The following CMTM4 variants were observed in gnomAD, a reference collection of about 807,000 sequenced individuals.
CMTM4 encodes the protein CKLF-like MARVEL transmembrane domain-containing protein 4.
A neutral mutation model predicts 19.0 loss-of-function variants in CMTM4; 8 were observed. The observed-to-expected ratio is 0.42, with a 90% confidence interval of 0.25 to 0.76. The LOEUF is 0.76. CMTM4 is among the 30% of genes least tolerant of loss of function. The probability of loss-of-function intolerance (pLI) is 0.27; values close to 1 mark genes in which losing one functional copy is unlikely to be tolerated. For synonymous variants in CMTM4, 106 were observed against 121.1 expected (o/e 0.88, Z 0.82); for missense variants, 228 against 290.2 (o/e 0.79, Z 1.56).
chr16:66,645,101 T>C (rs2016167884), intron 1 of CMTM4, among the ~76,000 whole-genome samples: 1 of 151,252 alleles, frequency 6.6e-6, no homozygotes. Context: ...CTGGCCAACA[T>C]GGTGAAACCC....
chr16:66,631,265 G>A (rs2015861616), intron 2 of CMTM4, among the ~76,000 whole-genome samples: 8 of 150,432 alleles, frequency 5.3e-5, no homozygotes, highest in Admixed American at 5.3e-4. Flanking sequence ...GGAGGTGGGG[G>A]GTCAGCCCCC....
chr16:66,645,702 G>A (rs1207725173), intron 1 of CMTM4, among the ~76,000 whole-genome samples: 4 of 152,026 alleles, frequency 2.6e-5, no homozygotes, highest in Non-Finnish European at 4.4e-5. Flanking sequence ...AACCAGGCCG[G>A]CTGTGGTGGC....
chr16:66,684,196 A>G (rs1217773918), intron 1 of CMTM4, among the ~76,000 whole-genome samples: 2 of 152,082 alleles, frequency 1.3e-5, no homozygotes, highest in African/African-American at 4.8e-5. Flanking sequence ...TTTTTGAGAC[A>G]GAATCTCCCT....
intron 1 of CMTM4, among the ~76,000 whole-genome samples, chr16:66,665,614 C>G (rs1034397649): frequency 6.6e-6 from 1 of 152,058 alleles, no homozygotes; most frequent in Non-Finnish European, 1.5e-5. Context: ...TGTGGTGGTA[C>G]ATGCCTGTAG....
At chr16:66,652,661 G>A (rs554678312) in intron 1 of CMTM4, among the ~76,000 whole-genome samples, 1 of 152,280 alleles carries the variant, frequency 6.6e-6, no homozygotes, top group Non-Finnish European at 1.5e-5. Context: ...GCTGGATACT[G>A]TATCACAGGC....
chr16:66,610,087 G>A (rs1391010021), downstream of CMTM4: 2 of 1,550,908 alleles, frequency 1.3e-6, no homozygotes, highest in African/African-American at 1.4e-5. This position sits in a 1 kb window ranked among gnomAD's most constrained non-coding sequence, Gnocchi z 4.6. Flanking sequence ...TGAGGCTGGG[G>A]TGGGATCATT....
At chr16:66,658,364 A>T (rs1278503534) in intron 1 of CMTM4, among the ~76,000 whole-genome samples, 1 of 151,982 alleles carries the variant, frequency 6.6e-6, no homozygotes, top group Non-Finnish European at 1.5e-5. Context: ...AGAGGGCATT[A>T]ATTGCTGAAC....
At chr16:66,694,627 C>T (rs1443507043) in intron 1 of CMTM4, among the ~76,000 whole-genome samples, 2 of 149,716 alleles carry the variant, frequency 1.3e-5, no homozygotes, top group Non-Finnish European at 3.0e-5. Context: ...GCAGGAGAAT[C>T]GCTTGAACCC....
chr16:66,688,527 AAC>A (rs59727449), intron 1 of CMTM4, among the ~76,000 whole-genome samples: 3,092 of 147,894 alleles, frequency 0.021, 100 homozygotes, highest in African/African-American at 0.068. Context: ...CACTCCCCTC[AAC>A]ACACACACAC....
intron 1 of CMTM4, among the ~76,000 whole-genome samples, chr16:66,692,372 G>A (rs1036568642): frequency 1.3e-5 from 2 of 152,190 alleles, no homozygotes; most frequent in African/African-American, 4.8e-5. Context: ...TTACAGGCGT[G>A]AGCCCGGCCT....
intron 2 of CMTM4, among the ~76,000 whole-genome samples, chr16:66,629,331 G>A (rs143737544): frequency 6.6e-6 from 1 of 152,106 alleles, no homozygotes; most frequent in East Asian, 1.9e-4. Flanking sequence ...ATGGCCCCAG[G>A]ATCAAAGGGA....
chr16:66,643,382 CATT>C (rs1250326623), intron 1 of CMTM4, among the ~76,000 whole-genome samples: 1 of 152,200 alleles, frequency 6.6e-6, no homozygotes, highest in East Asian at 1.9e-4. Context: ...GCTCATCTGA[CATT>C]ATGACAATGG....
chr16:66,656,456 C>T (rs1236143206), intron 1 of CMTM4, among the ~76,000 whole-genome samples: 6 of 152,092 alleles, frequency 3.9e-5, no homozygotes, highest in Admixed American at 3.3e-4. Flanking sequence ...CTCTGCCTCT[C>T]AGTCTCAAAA....
At position 66,617,110 on chromosome 16, in the gene CMTM4, G is replaced by A. The variant is rs2015540122; in HGVS notation, c.*4948C>T. 1 of 594,354 alleles carries A rather than the reference G, an allele frequency of 1.7e-6. No individual in the cohort carries two copies. Among genetic ancestry groups the A allele is most frequent in the Non-Finnish European group, 2.8e-6 (1 of 356,924 alleles). The allele number at this position is 594,354 out of a possible 1,614,324, so 36.8% of individuals were successfully genotyped here. The stretch of plus-strand genomic sequence containing the variant: ...TAGCTCCCTGGGGGTCCAAGCCAAA[G>A]GCTCCCTGGCCTTTGTGTATTATGC... On this transcript the variant is annotated 3_prime_UTR_variant, in exon 4 of 4. Transcript: ENST00000394106.
chr16:66,670,886 C>A (rs1354158913), intron 1 of CMTM4, among the ~76,000 whole-genome samples: 1 of 152,048 alleles, frequency 6.6e-6, no homozygotes, highest in Non-Finnish European at 1.5e-5. Flanking sequence ...GTGTAATAAC[C>A]CATTTTTACA....
intron 1 of CMTM4, among the ~76,000 whole-genome samples, chr16:66,691,700 AAAAAGAAAAAG>A (rs1402195196): frequency 6.6e-6 from 1 of 152,198 alleles, no homozygotes; most frequent in Non-Finnish European, 1.5e-5. Flanking sequence ...ACCTTGTCTC[AAAAAGAAAAAG>A]AAAAGATAAA....
intron 1 of CMTM4, among the ~76,000 whole-genome samples, chr16:66,642,941 T>C (rs1256759724): frequency 6.6e-6 from 1 of 152,184 alleles, no homozygotes. Flanking sequence ...TTTGTTTCGT[T>C]TGTTGCCAGA....
At chr16:66,664,084 T>C (rs2144865662) in intron 1 of CMTM4, among the ~76,000 whole-genome samples, 1 of 151,940 alleles carries the variant, frequency 6.6e-6, no homozygotes, top group South Asian at 2.1e-4. Context: ...AATACAAAAA[T>C]TAGCTGGGCA....
chr16:66,601,569 C>T, the CMTM4 span, among the ~76,000 whole-genome samples: 2 of 152,180 alleles, frequency 1.3e-5, no homozygotes, highest in Admixed American at 6.5e-5. Flanking sequence ...TCTGGTCGGT[C>T]GGACTGGCAG....
Sources: allele counts gnomAD v4.1 joint callset (sites outside exome capture counted in the v4.1 genomes callset), GRCh38; gene constraint gnomAD v4.1.1; non-coding constraint Gnocchi (gnomAD v3.1); transcripts MANE v1.5; gene names NCBI Gene and HGNC (gene_info 2026-07-23, HGNC 2026-07-21).